The following NMBR variants were observed in gnomAD, a reference collection of about 807,000 sequenced individuals.
NMBR encodes the protein neuromedin-B receptor.
In NMBR, 16 loss-of-function variants were observed where a neutral mutation model predicts 20.5. That is an observed-to-expected ratio of 0.78 (90% CI 0.53 to 1.19). The LOEUF is 1.19. NMBR is among the 50% of genes most tolerant of loss of function. NMBR has a pLI of 0.00. For synonymous variants in NMBR, 212 were observed against 196.6 expected (o/e 1.08, Z -0.65); for missense variants, 582 against 499.1 (o/e 1.17, Z -1.58).
intron 1 of NMBR, among the ~76,000 whole-genome samples, chr6:142,137,500 C>T (rs999439270): frequency 6.6e-6 from 1 of 152,164 alleles, no homozygotes; most frequent in African/African-American, 2.4e-5. Context: ...CTTCTCCTGC[C>T]TAATTGCCCT....
At chr6:142,099,909 C>A (rs1777529433) in intron 1 of NMBR, among the ~76,000 whole-genome samples, 1 of 151,946 alleles carries the variant, frequency 6.6e-6, no homozygotes, top group South Asian at 2.1e-4. Flanking sequence ...GACAAAACAC[C>A]TTAATAGACA....
At chr6:142,146,549 T>TCA (rs1778440153) in intron 1 of NMBR, among the ~76,000 whole-genome samples, 1 of 151,944 alleles carries the variant, frequency 6.6e-6, no homozygotes, top group Non-Finnish European at 1.5e-5. Flanking sequence ...AAACACCCTA[T>TCA]CTTACATTAA....
At chr6:142,090,042 T>C (rs1390943268) in intron 1 of NMBR, among the ~76,000 whole-genome samples, 1 of 152,200 alleles carries the variant, frequency 6.6e-6, no homozygotes, top group African/African-American at 2.4e-5. Flanking sequence ...TGTATGCTTA[T>C]GATTGAGTAA....
chr6:142,140,004 A>T (rs1252544632), intron 1 of NMBR, among the ~76,000 whole-genome samples: 1 of 152,176 alleles, frequency 6.6e-6, no homozygotes, highest in African/African-American at 2.4e-5. Context: ...ATTTATGTGA[A>T]CAAGAAGTGG....
Position 142,075,659 on chromosome 6 carries a change from T to C in NMBR, c.1162A>G (p.Met388Val). The C allele has an allele frequency of 6.2e-7, 1 of 1,607,544 alleles. No homozygotes were observed. The highest frequency in any genetic ancestry group is 8.5e-7 in the Non-Finnish European group (1 of 1,176,310). ...TTGAATGGCCAAAATCACAGTGCCA[T>C]TTCCTGCTTCATGCTGTGCCCATTT... ...LLNGHSMKQE[M>V]AL Residue 388 changes from methionine (M) to valine (V), a missense_variant, in exon 4 of 4, where the codon ATG (methionine) becomes GTG (valine). Met to Val is a conservative substitution (Grantham distance 21). Coordinates refer to ENST00000258042, the MANE Select transcript of NMBR (RefSeq NM_002511.4).
chr6:142,104,046 G>A (rs1192991406), intron 1 of NMBR, among the ~76,000 whole-genome samples: 1 of 152,150 alleles, frequency 6.6e-6, no homozygotes, highest in African/African-American at 2.4e-5. Flanking sequence ...GCAATTAACT[G>A]TGGAAATAAC....
chr6:142,146,562 C>A (rs778941570), intron 1 of NMBR, among the ~76,000 whole-genome samples: 2 of 151,178 alleles, frequency 1.3e-5, no homozygotes, highest in Non-Finnish European at 2.9e-5. Flanking sequence ...TACATTAAGA[C>A]AAGATAATAA....
At chr6:142,079,154 G>GAAA (rs1562390312) in intron 2 of NMBR, among the ~76,000 whole-genome samples, 1 of 76,546 alleles carries the variant, frequency 1.3e-5, no homozygotes, top group Non-Finnish European at 2.4e-5. Flanking sequence ...AAAGAAGAGA[G>GAAA]GAGAGGAGAG....
In NMBR at chr6:142,114,646, A is replaced by C. The variant is rs529535756; in HGVS notation, c.-663-25325T>G. Among the ~76,000 whole-genome samples, 206 of 152,254 alleles carry C rather than the reference A, an allele frequency of 1.4e-3. 2 individuals carry two copies. Among genetic ancestry groups the C allele is most frequent in the Non-Finnish European group, 2.6e-4 (18 of 67,996 alleles). On this transcript the variant is annotated intron_variant, in intron 1 of 3. Coordinates refer to ENST00000258042, the MANE Select transcript of NMBR (RefSeq NM_002511.4). ...GATAATGAACATCAGTAAACATTTCAGCCAAATATAAATAAAAATGTATTT... is the reference window on the plus strand; with the variant it reads ...GATAATGAACATCAGTAAACATTTCCGCCAAATATAAATAAAAATGTATTT...
Position 142,079,085 on chromosome 6 carries a change from A to AG in NMBR, c.423-183_423-182insC, listed in dbSNP as rs1360873592. Among the ~76,000 whole-genome samples the AG allele has an allele frequency of 3.4e-4, 35 of 101,500 alleles. No homozygotes were observed. In the East Asian group the frequency reaches 4.0e-3, roughly 12 times the overall value. 66.6% of individuals were successfully genotyped at this position (101,500 alleles called of 152,430 possible). ...GAGAGAGAGAAAGAGAGAAAGAAAG[A>AG]AAGAGAGAAAGAGAGAGAGAGAAAG... On this transcript the variant is annotated intron_variant, in intron 2 of 3. Coordinates refer to ENST00000258042, the MANE Select transcript of NMBR (RefSeq NM_002511.4).
At chr6:142,080,053 A>G (rs932871592) in intron 2 of NMBR, among the ~76,000 whole-genome samples, 4 of 152,172 alleles carry the variant, frequency 2.6e-5, no homozygotes, top group African/African-American at 9.7e-5. Flanking sequence ...GTATCACAGG[A>G]TTTTAGTTAG....
intron 1 of NMBR, among the ~76,000 whole-genome samples, chr6:142,113,172 A>G (rs1229696849): frequency 6.6e-6 from 1 of 152,114 alleles, no homozygotes; most frequent in Non-Finnish European, 1.5e-5. Context: ...ATACTTTCAA[A>G]GGATGGAAAT....
chr6:142,087,962 T>C (rs117263468), intron 2 of NMBR, among the ~76,000 whole-genome samples: 3 of 152,322 alleles, frequency 2.0e-5, no homozygotes, highest in Non-Finnish European at 4.4e-5. Context: ...ATTCCCTAAG[T>C]GTCGGAGGTG....
intron 1 of NMBR, chr6:142,134,928 T>C (rs1778223691): frequency 1.8e-6 from 1 of 549,822 alleles, no homozygotes. Context: ...AATGACCAAA[T>C]AATTACCTAT....
chr6:142,076,669 C>T (rs566682926), intron 3 of NMBR, among the ~76,000 whole-genome samples: 1 of 152,070 alleles, frequency 6.6e-6, no homozygotes, highest in African/African-American at 2.4e-5. Context: ...TTTACTGTTT[C>T]TAAGAGGGTA....
rs561111622 is a variant in NMBR, at chr6:142,110,458, A to G, written c.-663-21137T>C. 7.2e-5 allele frequency among the ~76,000 whole-genome samples: 11 copies of G among 152,310 alleles called. No homozygotes were observed. The South Asian group carries it at 2.3e-3, about 32-fold the overall frequency. On this transcript the variant is annotated intron_variant, in intron 1 of 3. Coordinates refer to ENST00000258042, the MANE Select transcript of NMBR (RefSeq NM_002511.4). The stretch of plus-strand genomic sequence containing the variant: ...GTATTATGCTAAGTAAAAGAAGCTA[A>G]TTTTGAAAGATCACTATTGTATGAT...
intron 1 of NMBR, among the ~76,000 whole-genome samples, chr6:142,099,472 C>G (rs1010988708): frequency 2.6e-5 from 4 of 152,108 alleles, no homozygotes; most frequent in Non-Finnish European, 5.9e-5. Context: ...CACTTTCAAA[C>G]GAGCAGATCT....
chr6:142,147,024 A>G lies in NMBR; in HGVS notation c.-664+20T>C. ...AAACCAAACAAAAAAGCAAAACAAA[A>G]CAAAAACCCTTCCTCCTACCAGCAG... On this transcript the variant is annotated intron_variant, in intron 1 of 3. Transcript: ENST00000258042. 1 of 452,284 alleles carries G rather than the reference A, an allele frequency of 2.2e-6. No individual in the cohort carries two copies. Among genetic ancestry groups the G allele is most frequent in the Non-Finnish European group, 4.0e-6 (1 of 249,110 alleles). 28.0% of individuals were successfully genotyped at this position (452,284 alleles called of 1,614,324 possible).
intron 3 of NMBR, 109 bp downstream of exon 3, chr6:142,078,446 C>T (rs937122743): frequency 9.2e-6 from 6 of 649,892 alleles, no homozygotes; most frequent in Admixed American, 5.8e-5. Flanking sequence ...CCTGTGAAGG[C>T]CCAACTCTGT....
Sources: allele counts gnomAD v4.1 joint callset (sites outside exome capture counted in the v4.1 genomes callset), GRCh38; gene constraint gnomAD v4.1.1; transcripts MANE v1.5; gene names NCBI Gene and HGNC (gene_info 2026-07-23, HGNC 2026-07-21).